Variants in ATP13A4 observed in about 807,000 individuals in gnomAD.
ATP13A4 encodes the protein probable cation-transporting ATPase 13A4.
Under a neutral mutation model 142.5 loss-of-function variants are expected in ATP13A4, and 114 were observed. The ratio of observed to expected loss-of-function variants is 0.80; its 90% CI spans 0.69 to 0.93. ATP13A4 has a LOEUF of 0.93. Among genes scored for constraint, ATP13A4 ranks in the 40% least tolerant of loss-of-function variants. ATP13A4 has a pLI of 0.00. For synonymous variants in ATP13A4, 488 were observed against 514.8 expected, an observed-to-expected ratio of 0.95 and a Z score of 0.70; for missense variants, 1,392 against 1,454.0, an observed-to-expected ratio of 0.96 and a Z score of 0.69.
intron 1 of ATP13A4, among the ~76,000 whole-genome samples, chr3:193,531,271 TGAGGGAGG>T (rs1193661259): frequency 3.8e-5 from 3 of 78,292 alleles, no homozygotes; most frequent in East Asian, 4.1e-4. Flanking sequence ...GCTCAATAAG[TGAGGGAGG>T]GAGGGAGGGA....
At chr3:193,415,184 T>A (rs1375677986) in intron 25 of ATP13A4, among the ~76,000 whole-genome samples, 1 of 152,160 alleles carries the variant, frequency 6.6e-6, no homozygotes, top group Non-Finnish European at 1.5e-5. Flanking sequence ...TGTGAAAAAA[T>A]ATTCATTATG....
intron 2 of ATP13A4, among the ~76,000 whole-genome samples, chr3:193,573,297 A>ATTCT (rs1553862266): frequency 9.2e-6 from 1 of 108,954 alleles, no homozygotes; most frequent in Admixed American, 8.7e-5. Flanking sequence ...ATACACATAT[A>ATTCT]TATATATATA....
At position 193,435,056 on chromosome 3, in the gene ATP13A4, A is replaced by G. The variant is rs572203444; in HGVS notation, c.2769+592T>C. On this transcript the variant is annotated intron_variant, in intron 24 of 29. Transcript: ENST00000342695. ...ATACTCAAAGCTCAGCTATTTCTAA[A>G]TATTTTTCTACATTTTACTGCTATC... is the stretch of plus-strand genomic sequence containing the variant. 1.3e-4 allele frequency among the ~76,000 whole-genome samples: 20 copies of G among 152,300 alleles called. No homozygotes were observed. The South Asian group carries it at 4.1e-3, about 32-fold the overall frequency.
intron 20 of ATP13A4, 49 bp downstream of exon 20, chr3:193,441,417 G>T: frequency 6.2e-7 from 1 of 1,606,604 alleles, no homozygotes; most frequent in South Asian, 1.1e-5. Flanking sequence ...TTCTGTAAGT[G>T]ACATCATCAG....
chr3:193,461,255 CAG>C, intron 13 of ATP13A4, among the ~76,000 whole-genome samples: 1 of 152,262 alleles, frequency 6.6e-6, no homozygotes, highest in Non-Finnish European at 1.5e-5. Flanking sequence ...ATTCAAAAGA[CAG>C]AACATATTGA....
At chr3:193,562,721 A>G (rs1724045723) in intron 2 of ATP13A4, among the ~76,000 whole-genome samples, 1 of 152,122 alleles carries the variant, frequency 6.6e-6, no homozygotes, top group African/African-American at 2.4e-5. Context: ...AATACAAAAA[A>G]TTAGCCGGGT....
intron 28 of ATP13A4, among the ~76,000 whole-genome samples, chr3:193,409,682 G>T (rs1373033871): frequency 1.3e-5 from 2 of 152,206 alleles, no homozygotes; most frequent in Non-Finnish European, 2.9e-5. Flanking sequence ...TAACCACAGT[G>T]ATGTAGTTAC....
intron 25 of ATP13A4, among the ~76,000 whole-genome samples, chr3:193,420,465 C>T (rs1054063768): frequency 8.7e-5 from 13 of 149,716 alleles, no homozygotes; most frequent in African/African-American, 1.7e-4. Context: ...TACGAAAGAG[C>T]GAGACAATAT....
At chr3:193,504,062 A>T (rs1310199651) in intron 2 of ATP13A4, among the ~76,000 whole-genome samples, 1 of 151,666 alleles carries the variant, frequency 6.6e-6, no homozygotes, top group Non-Finnish European at 1.5e-5. Context: ...GAAGAAGGGA[A>T]GGAAGCCAAC....
chr3:193,555,973 C>G (rs1215271206), upstream of ATP13A4, among the ~76,000 whole-genome samples: 1 of 152,172 alleles, frequency 6.6e-6, no homozygotes, highest in Non-Finnish European at 1.5e-5. Context: ...TTGTACAGCA[C>G]TGATCAAGTG....
At chr3:193,573,276 C>CATAT (rs1553862244) in intron 2 of ATP13A4, among the ~76,000 whole-genome samples, 3 of 77,842 alleles carry the variant, frequency 3.9e-5, no homozygotes, top group African/African-American at 1.9e-4. Flanking sequence ...TATATATATA[C>CATAT]ATATATATAT....
chr3:193,452,681 T>G (rs942157124), intron 17 of ATP13A4, among the ~76,000 whole-genome samples: 1 of 150,102 alleles, frequency 6.7e-6, no homozygotes, highest in Non-Finnish European at 1.5e-5. Context: ...TGGACATTCA[T>G]GAACACTGAA....
intron 1 of ATP13A4, among the ~76,000 whole-genome samples, chr3:193,531,309 A>AGGGAG (rs1254864393): frequency 0.06 from 6,661 of 110,238 alleles, 511 homozygotes; most frequent in Non-Finnish European, 0.076. Context: ...GAAGGAAGGA[A>AGGGAG]GGAAGGAAGG....
At chr3:193,568,240 C>T (rs1292591342) in intron 2 of ATP13A4, among the ~76,000 whole-genome samples, 2 of 152,042 alleles carry the variant, frequency 1.3e-5, no homozygotes, top group Non-Finnish European at 2.9e-5. Flanking sequence ...GGATTACAGG[C>T]ATGAGCCACC....
At chr3:193,465,919 T>C (rs1407050258) in intron 11 of ATP13A4, 106 bp downstream of exon 11, 1 of 1,441,404 alleles carries the variant, frequency 6.9e-7, no homozygotes, top group Non-Finnish European at 9.7e-7. Flanking sequence ...CTTGGTTTTG[T>C]TTCCCAGGTT....
chr3:193,418,506 C>T (rs916319606), intron 25 of ATP13A4, among the ~76,000 whole-genome samples: 1 of 149,290 alleles, frequency 6.7e-6, no homozygotes, highest in African/African-American at 2.5e-5. Context: ...ACCAGTATGG[C>T]CACATACTGG....
At chr3:193,427,968 C>T (rs910392121) in intron 25 of ATP13A4, among the ~76,000 whole-genome samples, 6 of 152,200 alleles carry the variant, frequency 3.9e-5, no homozygotes, top group Non-Finnish European at 8.8e-5. Context: ...ACAGCTTCTA[C>T]ACAGCAAAAG....
chr3:193,442,561 A>C lies in ATP13A4; in HGVS notation c.2153-5T>G. ...TTGCAGTCTGAAGATTGTCACCTAG[A>C]GGAAAGGAGGAGTATCTCAAGATGA... On this transcript the variant is annotated splice_polypyrimidine_tract_variant and splice_region_variant and intron_variant, in intron 18 of 29. Transcript: ENST00000342695. The C allele has an allele frequency of 1.2e-6, 2 of 1,612,630 alleles. No homozygotes were observed. Among genetic ancestry groups the C allele is most frequent in the Non-Finnish European group, 1.7e-6 (2 of 1,178,922 alleles).
chr3:193,571,275 T>G (rs1048815229), intron 2 of ATP13A4, among the ~76,000 whole-genome samples: 1 of 55,798 alleles, frequency 1.8e-5, no homozygotes, highest in East Asian at 3.8e-4. Flanking sequence ...CAAGACCTTG[T>G]CTCAAAAAAA....
Sources: allele counts gnomAD v4.1 joint callset (sites outside exome capture counted in the v4.1 genomes callset), GRCh38; gene constraint gnomAD v4.1.1; transcripts MANE v1.5; gene names NCBI Gene and HGNC (gene_info 2026-07-23, HGNC 2026-07-21).